HDAC9: variants seen among roughly 807,000 people sequenced by gnomAD.
The protein encoded by HDAC9 is histone deacetylase 9, also known as MEF-2 interacting transcription repressor (MITR) protein.
Under a neutral mutation model 139.4 loss-of-function variants are expected in HDAC9, and 41 were observed. The observed-to-expected ratio is 0.29, with a 90% CI of 0.23 to 0.38. HDAC9 has a LOEUF of 0.38. HDAC9 is among the 10% of genes least tolerant of loss of function. HDAC9 has a pLI of 1.00. For synonymous variants in HDAC9, 517 were observed against 476.2 expected, an observed-to-expected ratio of 1.09 and a Z score of -1.12; for missense variants, 1,147 against 1,297.0, an observed-to-expected ratio of 0.88 and a Z score of 1.78.
chr7:18,476,161 C>T (rs1197470976), intron 1 of HDAC9, among the ~76,000 whole-genome samples: 1 of 152,002 alleles, frequency 6.6e-6, no homozygotes, highest in Non-Finnish European at 1.5e-5. Flanking sequence ...ATAGAAATAG[C>T]AGGTGTAATG....
chr7:18,211,480 A>G (rs1009773795), intron 2 of HDAC9, among the ~76,000 whole-genome samples: 2 of 152,180 alleles, frequency 1.3e-5, no homozygotes, highest in Non-Finnish European at 2.9e-5. Flanking sequence ...GTAGAAGTCT[A>G]TATACTCATG....
chr7:18,677,312 A>G (rs1344539794), intron 12 of HDAC9, among the ~76,000 whole-genome samples: 1 of 151,922 alleles, frequency 6.6e-6, no homozygotes, highest in African/African-American at 2.4e-5. Context: ...TGTATGTACC[A>G]GTGATATGGT....
intron 12 of HDAC9, among the ~76,000 whole-genome samples, chr7:18,683,353 C>A (rs1562848784): frequency 6.6e-6 from 1 of 152,036 alleles, no homozygotes. Flanking sequence ...ACAAAACCTG[C>A]ACCAGTCTTG....
At chr7:18,244,301 A>G (rs559876016) in intron 2 of HDAC9, among the ~76,000 whole-genome samples, 2 of 152,316 alleles carry the variant, frequency 1.3e-5, no homozygotes, top group East Asian at 1.9e-4. Flanking sequence ...CCCCCCTACT[A>G]TGCAAATTGG....
chr7:18,533,748 ACTT>A (rs1170786080), intron 2 of HDAC9, among the ~76,000 whole-genome samples: 1 of 151,226 alleles, frequency 6.6e-6, no homozygotes, highest in Non-Finnish European at 1.5e-5. Context: ...CTTTAATATA[ACTT>A]CTTCTCCTTT....
chr7:18,708,084 G>A (rs1468489956), intron 12 of HDAC9, among the ~76,000 whole-genome samples: 1 of 152,132 alleles, frequency 6.6e-6, no homozygotes, highest in Admixed American at 6.6e-5. Flanking sequence ...GAGAGACATC[G>A]CTTCAACTGA....
intron 25 of HDAC9, among the ~76,000 whole-genome samples, chr7:18,987,298 G>T (rs953040088): frequency 6.6e-6 from 1 of 152,142 alleles, no homozygotes; most frequent in Non-Finnish European, 1.5e-5. Flanking sequence ...TTTTGTCAGA[G>T]GCCTTTTCTG....
chr7:18,567,810 C>T (rs1414227175), intron 2 of HDAC9, among the ~76,000 whole-genome samples: 1 of 151,796 alleles, frequency 6.6e-6, no homozygotes, highest in Non-Finnish European at 1.5e-5. Context: ...ATTATTATTG[C>T]AGCTTTGAGG....
At chr7:18,869,817 G>T (rs573201113) in intron 21 of HDAC9, among the ~76,000 whole-genome samples, 3 of 151,858 alleles carry the variant, frequency 2.0e-5, no homozygotes, top group Non-Finnish European at 4.4e-5. Flanking sequence ...TGGATGGAGT[G>T]TCTCTCATCT....
At chr7:18,583,100 G>T (rs143381160) in intron 2 of HDAC9, among the ~76,000 whole-genome samples, 10 of 152,184 alleles carry the variant, frequency 6.6e-5, no homozygotes, top group South Asian at 2.1e-4. Flanking sequence ...TAGAAATTGT[G>T]TGCCATTTTA....
chr7:18,313,007 G>A (rs898762013), intron 1 of HDAC9, among the ~76,000 whole-genome samples: 1 of 152,034 alleles, frequency 6.6e-6, no homozygotes, highest in Non-Finnish European at 1.5e-5. Flanking sequence ...ATAATTCGTA[G>A]AGATTTGGAA....
At chr7:18,439,149 C>T (rs1022336697) in intron 1 of HDAC9, among the ~76,000 whole-genome samples, 6 of 152,150 alleles carry the variant, frequency 3.9e-5, no homozygotes, top group African/African-American at 1.2e-4. Context: ...TGCTAAATTT[C>T]GCTTCTGATC....
At chr7:18,610,107 T>G (rs958405641) in intron 6 of HDAC9, among the ~76,000 whole-genome samples, 7 of 152,072 alleles carry the variant, frequency 4.6e-5, no homozygotes, top group African/African-American at 1.7e-4. Context: ...CACACATATG[T>G]TTATTGCGGC....
At chr7:18,883,220 T>G (rs1314953236) in intron 22 of HDAC9, among the ~76,000 whole-genome samples, 3 of 152,148 alleles carry the variant, frequency 2.0e-5, no homozygotes, top group African/African-American at 7.2e-5. Flanking sequence ...TTTTAGCAAT[T>G]GACTACAATT....
intron 12 of HDAC9, among the ~76,000 whole-genome samples, chr7:18,717,171 G>T (rs1282779998): frequency 6.6e-6 from 1 of 152,082 alleles, no homozygotes; most frequent in Non-Finnish European, 1.5e-5. Flanking sequence ...ACTGTTACAA[G>T]GGGCCACCAC....
At chr7:18,277,360 C>A (rs1174058322) in intron 2 of HDAC9, among the ~76,000 whole-genome samples, 1 of 151,974 alleles carries the variant, frequency 6.6e-6, no homozygotes, top group African/African-American at 2.4e-5. Context: ...CCTTTACCAG[C>A]AAAAAGGAGA....
At chr7:18,645,140 C>T (rs905483674) in intron 9 of HDAC9, among the ~76,000 whole-genome samples, 1 of 152,068 alleles carries the variant, frequency 6.6e-6, no homozygotes, top group African/African-American at 2.4e-5. Flanking sequence ...GAAGCTGAGA[C>T]TTGGAGAGTT....
chr7:18,446,568 G>T (rs1187246388), intron 1 of HDAC9, among the ~76,000 whole-genome samples: 1 of 151,992 alleles, frequency 6.6e-6, no homozygotes, highest in Non-Finnish European at 1.5e-5. Flanking sequence ...ATATATTATG[G>T]GTAAGCTGTT....
intron 1 of HDAC9, among the ~76,000 whole-genome samples, chr7:18,363,511 A>G (rs1029666401): frequency 6.6e-6 from 1 of 152,160 alleles, no homozygotes; most frequent in East Asian, 1.9e-4. Flanking sequence ...AAATGTTGTT[A>G]TTATTATTTG....
Sources: gnomAD v4.1 joint callset for allele counts (sites outside exome capture counted in the v4.1 genomes callset) on GRCh38, gnomAD v4.1.1 for gene constraint, MANE v1.5 for transcripts, NCBI Gene and HGNC (gene_info 2026-07-23, HGNC 2026-07-21) for gene names.